Variants in CDH18 observed in about 807,000 individuals in gnomAD.
CDH18 encodes the protein cadherin 18.
CDH18 carries 31 observed loss-of-function variants against 67.9 expected under a neutral mutation model. The observed-to-expected ratio is 0.46, with a 90% CI of 0.34 to 0.62. The LOEUF (loss-of-function observed/expected upper bound fraction) is 0.62. CDH18 is among the 20% of genes least tolerant of loss of function. CDH18 has a pLI of 0.01. For missense variants in CDH18, 890 were observed against 975.5 expected (o/e 0.91, Z 1.17); for synonymous variants, 362 against 347.2 (o/e 1.04, Z -0.48).
chr5:19,588,769 A>G (rs1744629403), intron 7 of CDH18, among the ~76,000 whole-genome samples: 2 of 152,108 alleles, frequency 1.3e-5, no homozygotes, highest in Non-Finnish European at 2.9e-5. Flanking sequence ...GACAGAACAG[A>G]CTTTAAGCCA....
intron 2 of CDH18, among the ~76,000 whole-genome samples, chr5:19,956,543 T>A (rs1487201985): frequency 6.6e-6 from 1 of 151,804 alleles, no homozygotes; most frequent in Non-Finnish European, 1.5e-5. Context: ...CCTAAAATAT[T>A]TAGTGATAAT....
rs977742274 is a variant in CDH18 at position 19,774,231 on chromosome 5, G to A, written c.229-26995C>T. ...GGCAGGGTGACAACTATTATGGACT[G>A]AATATTTGTGCCCCCTTAAAATTTA... On this transcript the variant is annotated intron_variant, in intron 3 of 12. Coordinates refer to ENST00000382275, the MANE Select transcript of CDH18 (RefSeq NM_004934.5). 3.3e-5 allele frequency among the ~76,000 whole-genome samples: 5 copies of A among 151,984 alleles called. 1 individual carries two copies. The highest frequency in any genetic ancestry group is 3.3e-4 in the Admixed American group (5 of 15,258).
intron 8 of CDH18, among the ~76,000 whole-genome samples, chr5:19,566,247 G>A (rs1037613740): frequency 7.2e-5 from 11 of 152,150 alleles, no homozygotes; most frequent in African/African-American, 2.2e-4. Flanking sequence ...AGGATGTGGA[G>A]AAAAGGGAAC....
intron 5 of CDH18, among the ~76,000 whole-genome samples, chr5:19,712,641 A>G (rs985923272): frequency 9.8e-5 from 9 of 91,518 alleles, no homozygotes; most frequent in African/African-American, 2.4e-4. Context: ...CTTAAAATTT[A>G]TATATATATA....
intron 2 of CDH18, among the ~76,000 whole-genome samples, chr5:19,925,508 T>G (rs1389902396): frequency 6.6e-6 from 1 of 152,188 alleles, no homozygotes. Context: ...TTTTCCTTTT[T>G]GAGACAGAGT....
At chr5:20,172,605 A>T (rs56158814) in intron 2 of CDH18, among the ~76,000 whole-genome samples, 7,746 of 151,998 alleles carry the variant, frequency 0.051, 237 homozygotes, top group East Asian at 0.14. Context: ...TCTAAAAAAA[A>T]ATATTGAGGG....
At chr5:20,161,344 A>G (rs979916306) in intron 2 of CDH18, among the ~76,000 whole-genome samples, 3 of 152,156 alleles carry the variant, frequency 2.0e-5, no homozygotes, top group Non-Finnish European at 2.9e-5. Flanking sequence ...CTTTTGTACC[A>G]TGGAAGTTGA....
chr5:20,320,808 G>A (rs1432778177), intron 1 of CDH18, among the ~76,000 whole-genome samples: 1 of 152,102 alleles, frequency 6.6e-6, no homozygotes, highest in East Asian at 1.9e-4. Flanking sequence ...GGCCCATGAG[G>A]GGACTGATGG....
intron 1 of CDH18, among the ~76,000 whole-genome samples, chr5:20,509,198 T>A (rs1219514590): frequency 1.7e-4 from 26 of 152,156 alleles, no homozygotes; most frequent in Admixed American, 1.7e-3. Flanking sequence ...TTTGTTCTCC[T>A]CCCTAACAGA....
intron 2 of CDH18, among the ~76,000 whole-genome samples, chr5:19,903,438 A>C (rs1790150398): frequency 6.6e-6 from 1 of 151,134 alleles, no homozygotes; most frequent in Admixed American, 6.6e-5. Flanking sequence ...CTGAGCTTCT[A>C]AGTGCTTTTT....
At chr5:20,408,026 CTT>C in intron 1 of CDH18, among the ~76,000 whole-genome samples, 1 of 152,078 alleles carries the variant, frequency 6.6e-6, no homozygotes, top group East Asian at 1.9e-4. Context: ...AAAAAAGAGA[CTT>C]ATAACATACA....
intron 2 of CDH18, among the ~76,000 whole-genome samples, chr5:19,952,669 C>T (rs576518201): frequency 1.3e-5 from 2 of 152,116 alleles, no homozygotes; most frequent in African/African-American, 4.8e-5. Flanking sequence ...TATTTCATTG[C>T]ACTTTAAGCT....
At chr5:20,503,205 G>C (rs913946070) in intron 1 of CDH18, among the ~76,000 whole-genome samples, 3 of 150,368 alleles carry the variant, frequency 2.0e-5, no homozygotes, top group Non-Finnish European at 4.4e-5. Context: ...AAAAACTGTA[G>C]GATTCTAAAC....
At chr5:20,240,491 T>C (rs1478024796) in intron 2 of CDH18, among the ~76,000 whole-genome samples, 2 of 152,206 alleles carry the variant, frequency 1.3e-5, no homozygotes, top group African/African-American at 4.8e-5. Context: ...GATTACTAAT[T>C]CTATACATAC....
chr5:20,354,531 C>T (rs1180816313), intron 1 of CDH18, among the ~76,000 whole-genome samples: 2 of 152,202 alleles, frequency 1.3e-5, no homozygotes, highest in Middle Eastern at 3.4e-3. Flanking sequence ...CCTCCTGCCC[C>T]AAATGGGACT....
intron 1 of CDH18, among the ~76,000 whole-genome samples, chr5:20,341,605 A>C (rs2150044092): frequency 6.6e-6 from 1 of 152,136 alleles, no homozygotes; most frequent in Admixed American, 6.5e-5. Flanking sequence ...ATATTCTATT[A>C]GTTCTGTCCC....
intron 5 of CDH18, among the ~76,000 whole-genome samples, chr5:19,645,468 C>T (rs572220802): frequency 2.5e-4 from 38 of 152,202 alleles, no homozygotes; most frequent in Admixed American, 4.6e-4. Context: ...GGCTAAATAA[C>T]GGATAGTCTG....
At chr5:20,398,259 A>G (rs982778609) in intron 1 of CDH18, among the ~76,000 whole-genome samples, 7 of 152,188 alleles carry the variant, frequency 4.6e-5, no homozygotes, top group African/African-American at 1.4e-4. Context: ...GTGAACCTGA[A>G]TGATAAGCTT....
chr5:20,011,843 C>T (rs1479565709), intron 2 of CDH18, among the ~76,000 whole-genome samples: 3 of 151,828 alleles, frequency 2.0e-5, no homozygotes, highest in Admixed American at 6.6e-5. Context: ...GGGCTGGATT[C>T]GTATTGTCAG....
Sources: gnomAD v4.1 joint callset for allele counts (sites outside exome capture counted in the v4.1 genomes callset) on GRCh38, gnomAD v4.1.1 for gene constraint, MANE v1.5 for transcripts, NCBI Gene and HGNC (gene_info 2026-07-23, HGNC 2026-07-21) for gene names.